The following HYDIN variants were observed in gnomAD, a reference collection of about 807,000 sequenced individuals.
The protein encoded by HYDIN is HYDIN axonemal central pair apparatus protein, also known as axonemal central pair apparatus protein HYDIN.
In HYDIN, 132 loss-of-function variants were observed where a neutral mutation model predicts 403.9. The observed-to-expected ratio is 0.33, with a 90% confidence interval of 0.28 to 0.38. The LOEUF (loss-of-function observed/expected upper bound fraction) is 0.38. Ranked by LOEUF, HYDIN falls within the 10% of genes least tolerant of loss-of-function variation. The probability of loss-of-function intolerance (pLI) is 1.00; values close to 1 mark genes in which losing one functional copy is unlikely to be tolerated. For missense variants in HYDIN, 2,827 were observed against 5,009.5 expected (o/e 0.56, Z 13.15); for synonymous variants, 1,202 against 1,891.7 (o/e 0.64, Z 9.46).
chr16:71,087,367 T>C (rs562264084), intron 12 of HYDIN, among the ~76,000 whole-genome samples: 1 of 150,968 alleles, frequency 6.6e-6, no homozygotes, highest in African/African-American at 2.4e-5. Context: ...TTTTTTCACA[T>C]GGCCCTTTTC....
chr16:71,141,582 C>T (rs1226882041), intron 7 of HYDIN, among the ~76,000 whole-genome samples: 1 of 151,848 alleles, frequency 6.6e-6, no homozygotes, highest in Non-Finnish European at 1.5e-5. Flanking sequence ...TGCAAGATAG[C>T]ACTAGTAATA....
intron 9 of HYDIN, among the ~76,000 whole-genome samples, chr16:71,121,813 C>T (rs1295728089): frequency 1.3e-5 from 2 of 151,268 alleles, no homozygotes; most frequent in East Asian, 2.0e-4. Flanking sequence ...CTCTCTATAA[C>T]GTCACCCAGG....
intron 57 of HYDIN, among the ~76,000 whole-genome samples, chr16:70,890,695 A>G (rs2041414200): frequency 6.6e-6 from 1 of 150,886 alleles, no homozygotes; most frequent in South Asian, 2.1e-4. Flanking sequence ...AGTAGAAGCC[A>G]AAAGCACTCA....
At position 70,970,519 on chromosome 16, in the gene HYDIN, C is replaced by T. The variant is rs1391731610; in HGVS notation, c.5619+1G>A. 1 of 1,595,322 alleles carries T rather than the reference C, an allele frequency of 6.3e-7. No individual in the cohort carries two copies. Among genetic ancestry groups the T allele is most frequent in the Non-Finnish European group, 8.6e-7 (1 of 1,167,352 alleles). Reference sequence around the variant, plus strand: ...AACAGTTTGGTTTGACCTCTGCTCACCTTTTCTTCTATGAGATACTGCTGA... The same window carrying T: ...AACAGTTTGGTTTGACCTCTGCTCATCTTTTCTTCTATGAGATACTGCTGA... On this transcript the variant is annotated splice_donor_variant, in intron 36 of 85. Transcript: ENST00000393567. LOFTEE classifies it high-confidence loss of function.
intron 9 of HYDIN, among the ~76,000 whole-genome samples, chr16:71,124,292 C>T (rs1334415796): frequency 1.3e-5 from 2 of 152,258 alleles, no homozygotes; most frequent in Non-Finnish European, 2.9e-5. Flanking sequence ...GGTGGTAAGA[C>T]AGAGGAAGGA....
At chr16:71,215,306 G>A (rs1422070423) in intron 1 of HYDIN, among the ~76,000 whole-genome samples, 2 of 151,844 alleles carry the variant, frequency 1.3e-5, no homozygotes, top group Non-Finnish European at 2.9e-5. Context: ...AGGAAGGGAG[G>A]AGAATTCATG....
Position 70,860,877 on chromosome 16 carries a change from C to T in HYDIN, c.11802G>A (p.Glu3934=). The T allele has an allele frequency of 1.6e-6, 1 of 633,426 alleles. No homozygotes were observed. The highest frequency in any genetic ancestry group is 2.7e-6 in the Non-Finnish European group (1 of 365,088). 39.2% of individuals were successfully genotyped at this position (633,426 alleles called of 1,614,324 possible). Reference sequence around the variant, plus strand: ...CTTTTGCTACCAGGACCGGACCTTGCTCTCCAGGTGGCAGGTTGGGAATCC... The same window carrying T: ...CTTTTGCTACCAGGACCGGACCTTGTTCTCCAGGTGGCAGGTTGGGAATCC... ...FCQIPNLPPG[E]QGPVLVAKGR... is the part of the protein sequence containing the mutation. Residue 3934 remains glutamate (E), a synonymous_variant, in exon 70 of 86, where the codon GAG becomes GAA. Coordinates refer to ENST00000393567, the MANE Select transcript of HYDIN (RefSeq NM_001270974.2).
intron 1 of HYDIN, among the ~76,000 whole-genome samples, chr16:71,226,124 C>G (rs190420213): frequency 1.3e-5 from 2 of 152,244 alleles, no homozygotes; most frequent in South Asian, 2.1e-4. Context: ...AAAATAAGAA[C>G]AAAGTAGAAG....
chr16:71,179,971 A>G (rs924703915), intron 3 of HYDIN, among the ~76,000 whole-genome samples: 3 of 152,246 alleles, frequency 2.0e-5, no homozygotes, highest in African/African-American at 7.2e-5. Flanking sequence ...ATCCATCTTA[A>G]TAAGTTAGAA....
At chr16:71,152,422 T>G (rs574867133) in intron 7 of HYDIN, among the ~76,000 whole-genome samples, 21 of 150,810 alleles carry the variant, frequency 1.4e-4, no homozygotes, top group Middle Eastern at 3.4e-3. Context: ...ATGAATAAGT[T>G]CTTTCGTAGT....
intron 10 of HYDIN, chr16:71,113,784 G>T (rs1340989363): frequency 3.3e-5 from 5 of 151,964 alleles, no homozygotes; most frequent in Non-Finnish European, 7.3e-5. Flanking sequence ...TGTAGAGATG[G>T]GGTCTCACTA....
intron 1 of HYDIN, among the ~76,000 whole-genome samples, chr16:71,195,083 T>C (rs558326987): frequency 3.3e-5 from 5 of 152,298 alleles, no homozygotes; most frequent in Admixed American, 3.3e-4. Flanking sequence ...TACATGAATG[T>C]AAATACCAGA....
chr16:71,168,188 A>G (rs1391683118), intron 5 of HYDIN, among the ~76,000 whole-genome samples: 1 of 148,942 alleles, frequency 6.7e-6, no homozygotes, highest in African/African-American at 2.4e-5. Flanking sequence ...GCGTGGTGGC[A>G]GGTGCCTATA....
chr16:71,098,264 C>CAT (rs1568149949), intron 10 of HYDIN, among the ~76,000 whole-genome samples: 6 of 146,618 alleles, frequency 4.1e-5, no homozygotes, highest in African/African-American at 1.5e-4. Context: ...TGCAGTGGTG[C>CAT]GATCTCGGCT....
At chr16:70,885,314 G>C (rs1597220607) in intron 58 of HYDIN, among the ~76,000 whole-genome samples, 1 of 144,768 alleles carries the variant, frequency 6.9e-6, no homozygotes, top group East Asian at 2.0e-4. Flanking sequence ...TGACTGCACA[G>C]ACATACACGG....
chr16:70,994,022 G>T (rs2079445054), intron 23 of HYDIN, among the ~76,000 whole-genome samples: 2 of 151,854 alleles, frequency 1.3e-5, no homozygotes, highest in Non-Finnish European at 2.9e-5. Context: ...AGCATATTTA[G>T]AAAAATCAAC....
chr16:70,913,176 G>A (rs1597303751), intron 47 of HYDIN, among the ~76,000 whole-genome samples: 1 of 150,584 alleles, frequency 6.6e-6, no homozygotes, highest in African/African-American at 2.4e-5. Context: ...CTTCTGCTGG[G>A]TTTGGGTTTG....
intron 23 of HYDIN, among the ~76,000 whole-genome samples, chr16:71,005,373 T>A (rs1470282464): frequency 6.6e-6 from 1 of 152,032 alleles, no homozygotes; most frequent in Non-Finnish European, 1.5e-5. Flanking sequence ...ACGGAATTAG[T>A]GCCCTTATAA....
chr16:70,906,383 G>A (rs2143771376), intron 50 of HYDIN, among the ~76,000 whole-genome samples: 1 of 151,850 alleles, frequency 6.6e-6, no homozygotes, highest in South Asian at 2.1e-4. Context: ...GATTGCGTAG[G>A]AGTCTCCTCA....
Sources: gnomAD v4.1 joint callset for allele counts (sites outside exome capture counted in the v4.1 genomes callset) on GRCh38, gnomAD v4.1.1 for gene constraint, MANE v1.5 for transcripts, NCBI Gene and HGNC (gene_info 2026-07-23, HGNC 2026-07-21) for gene names.